Variants in PGAP4 observed in about 807,000 individuals in gnomAD.
The protein encoded by PGAP4 is GPI-N-acetylgalactosamine transferase PGAP4.
PGAP4 carries 12 observed loss-of-function variants against 28.2 expected under a neutral mutation model. The observed-to-expected ratio is 0.42, with a 90% confidence interval of 0.27 to 0.69. The LOEUF (loss-of-function observed/expected upper bound fraction) is 0.69, where lower values mean the gene tolerates loss of function less well. Among genes scored for constraint, PGAP4 ranks in the 30% least tolerant of loss-of-function variants. The pLI, the probability that PGAP4 is intolerant of heterozygous loss-of-function variation, is 0.22. For missense variants in PGAP4, 425 were observed against 513.5 expected (o/e 0.83, Z 1.67); for synonymous variants, 205 against 211.8 (o/e 0.97, Z 0.28).
chr9:101,530,041 A>G (rs1377139474), intron 2 of PGAP4, among the ~76,000 whole-genome samples: 1 of 152,256 alleles, frequency 6.6e-6, no homozygotes, highest in Non-Finnish European at 1.5e-5. Context: ...AATCCAATCC[A>G]GATTTCATGG....
At chr9:101,502,136 C>T (rs1204659273) in intron 2 of PGAP4, among the ~76,000 whole-genome samples, 1 of 152,052 alleles carries the variant, frequency 6.6e-6, no homozygotes, top group African/African-American at 2.4e-5. Flanking sequence ...AAATCCTTGG[C>T]TCTACAGATA....
chr9:101,482,594 C>T (rs1255250336), intron 1 of PGAP4, among the ~76,000 whole-genome samples: 1 of 152,200 alleles, frequency 6.6e-6, no homozygotes, highest in East Asian at 1.9e-4. Context: ...ATGATTCCCC[C>T]ATGACTGTAG....
rs56682764 is a variant in PGAP4 at position 101,495,634 on chromosome 9, G to A, written c.-164-6434C>T. Reference sequence around the variant, plus strand: ...ATTACAGGTCATGGCTAAATAACATGTATTTATTTAACCAGAGTGATAACC... The same window carrying A: ...ATTACAGGTCATGGCTAAATAACATATATTTATTTAACCAGAGTGATAACC... On this transcript the variant is annotated intron_variant, in intron 2 of 3. Transcript: ENST00000374851. Among the ~76,000 whole-genome samples the A allele has an allele frequency of 3.4e-5, 5 of 148,566 alleles. No individual in the cohort carries two copies. In the Admixed American group the frequency reaches 3.4e-4, roughly 10 times the overall value.
At chr9:101,493,225 G>C (rs145543173) in intron 2 of PGAP4, among the ~76,000 whole-genome samples, 3,351 of 148,768 alleles carry the variant, frequency 0.023, 124 homozygotes, top group African/African-American at 0.079. Flanking sequence ...CCGCACTCCA[G>C]CCTGGTGACA....
In PGAP4 at chr9:101,528,637, A is replaced by C. The variant is rs531712791; in HGVS notation, c.-165+2711T>G. Among the ~76,000 whole-genome samples, 5 of 152,258 alleles carry C rather than the reference A, an allele frequency of 3.3e-5. No individual in the cohort carries two copies. In the East Asian group the frequency reaches 9.7e-4, roughly 29 times the overall value. ...ATGGAAGAGTAGACCTACCCAGTGA[A>C]AATTCACAAAGACAACCTGGCTTCT... On this transcript the variant is annotated intron_variant, in intron 2 of 3. Transcript: ENST00000374851.
At chr9:101,530,282 G>A (rs1156532006) in intron 2 of PGAP4, among the ~76,000 whole-genome samples, 2 of 152,168 alleles carry the variant, frequency 1.3e-5, no homozygotes, top group Non-Finnish European at 2.9e-5. Context: ...GTAAAGAGGC[G>A]TGTCGCCTTA....
intron 2 of PGAP4, among the ~76,000 whole-genome samples, chr9:101,511,742 G>A (rs2118611294): frequency 6.6e-6 from 1 of 152,238 alleles, no homozygotes; most frequent in Middle Eastern, 3.4e-3. Context: ...GTCTGTTTCT[G>A]TTCTTCCTGG....
chr9:101,533,527 G>A (rs144047835), upstream of PGAP4: 1 of 152,396 alleles, frequency 6.6e-6, no homozygotes, highest in Non-Finnish European at 1.5e-5. Context: ...CCGTCTGAAC[G>A]AGTGATGGCA....
chr9:101,528,372 T>A (rs984847666), intron 2 of PGAP4, among the ~76,000 whole-genome samples: 8 of 152,170 alleles, frequency 5.3e-5, no homozygotes, highest in African/African-American at 1.9e-4. Context: ...ACCAAGGCCA[T>A]GAAAACCTAA....
At chr9:101,509,876 C>T (rs1299569849) in intron 2 of PGAP4, among the ~76,000 whole-genome samples, 1 of 152,132 alleles carries the variant, frequency 6.6e-6, no homozygotes, top group African/African-American at 2.4e-5. Context: ...GCAGCCACTC[C>T]ATCTGTGCAT....
chr9:101,481,582 G>C (rs567320433), intron 1 of PGAP4: 2 of 152,346 alleles, frequency 1.3e-5, no homozygotes, highest in East Asian at 3.9e-4. Context: ...CTAGAGTGTA[G>C]GGCTCAGGGA....
chr9:101,508,190 G>A (rs1826865562), intron 2 of PGAP4, among the ~76,000 whole-genome samples: 1 of 148,802 alleles, frequency 6.7e-6, no homozygotes, highest in Non-Finnish European at 1.5e-5. Flanking sequence ...TTTTGTGCTG[G>A]ATATGCATTC....
intron 2 of PGAP4, among the ~76,000 whole-genome samples, chr9:101,527,012 C>A (rs889101293): frequency 2.0e-5 from 3 of 152,188 alleles, no homozygotes; most frequent in Non-Finnish European, 4.4e-5. Flanking sequence ...GGAGGAGATA[C>A]TACCATCATC....
chr9:101,485,329 T>C (rs1222592044), intron 1 of PGAP4, among the ~76,000 whole-genome samples: 1 of 152,162 alleles, frequency 6.6e-6, no homozygotes, highest in Non-Finnish European at 1.5e-5. Flanking sequence ...CTTAAATATA[T>C]ATATATTTCG....
intron 2 of PGAP4, among the ~76,000 whole-genome samples, chr9:101,503,947 C>T: frequency 6.6e-6 from 1 of 151,868 alleles, no homozygotes; most frequent in East Asian, 1.9e-4. Context: ...GCACTAGACC[C>T]AAATGGATCA....
intron 2 of PGAP4, among the ~76,000 whole-genome samples, chr9:101,504,184 TTTGTTTG>T (rs1266911653): frequency 1.3e-5 from 2 of 150,478 alleles, no homozygotes; most frequent in Admixed American, 6.7e-5. Flanking sequence ...CTGTTTTTTA[TTTGTTTG>T]TGTGTGTGTG....
intron 2 of PGAP4, among the ~76,000 whole-genome samples, chr9:101,520,499 C>T (rs1182711689): frequency 6.6e-6 from 1 of 151,750 alleles, no homozygotes; most frequent in African/African-American, 2.4e-5. Flanking sequence ...TGGTTGAGTC[C>T]TTGATGTGAT....
intron 2 of PGAP4, among the ~76,000 whole-genome samples, chr9:101,525,135 G>C (rs763397221): frequency 1.2e-4 from 19 of 152,198 alleles, no homozygotes; most frequent in Admixed American, 4.6e-4. Context: ...TCCCAGTAAT[G>C]GGATTGCTGG....
intron 2 of PGAP4, among the ~76,000 whole-genome samples, chr9:101,510,182 G>T (rs1043593324): frequency 2.3e-4 from 35 of 152,164 alleles, no homozygotes; most frequent in African/African-American, 7.9e-4. Flanking sequence ...GGTGAAAGAG[G>T]AACACATGCC....
Sources: allele counts gnomAD v4.1 joint callset (sites outside exome capture counted in the v4.1 genomes callset), GRCh38; gene constraint gnomAD v4.1.1; transcripts MANE v1.5; gene names NCBI Gene and HGNC (gene_info 2026-07-23, HGNC 2026-07-21).